The following SEMA3D variants were observed in gnomAD, a reference collection of about 807,000 sequenced individuals.
The protein encoded by SEMA3D is semaphorin-3D.
SEMA3D carries 84 observed loss-of-function variants against 100.1 expected under a neutral mutation model. The observed-to-expected ratio is 0.84, with a 90% CI of 0.70 to 1.01. The LOEUF is 1.01. Ranked by LOEUF, SEMA3D falls within the 50% of genes least tolerant of loss-of-function variation. The pLI is 0.00. For missense variants in SEMA3D, 875 were observed against 934.1 expected (o/e 0.94, Z 0.82); for synonymous variants, 312 against 320.7 (o/e 0.97, Z 0.29).
the SEMA3D span, among the ~76,000 whole-genome samples, chr7:85,202,825 T>TC: frequency 4.4e-4 from 8 of 18,274 alleles, no homozygotes; most frequent in Non-Finnish European, 7.1e-4. Flanking sequence ...TGGCAATCTC[T>TC]TTTTTTTTAA....
chr7:85,151,613 G>C, intron 2 of SEMA3D: 2 of 968,846 alleles, frequency 2.1e-6, no homozygotes, highest in Non-Finnish European at 2.5e-6. Flanking sequence ...GTGTGTGTGT[G>C]TGTGTGTGTG....
the SEMA3D span, among the ~76,000 whole-genome samples, chr7:85,228,092 T>C: frequency 6.6e-6 from 1 of 152,176 alleles, no homozygotes. Flanking sequence ...GACTGTACTT[T>C]TTATAAATTT....
the SEMA3D span, among the ~76,000 whole-genome samples, chr7:85,245,961 A>G: frequency 1.3e-5 from 2 of 152,168 alleles, no homozygotes; most frequent in Non-Finnish European, 2.9e-5. Context: ...ATTTGGTAAC[A>G]TAATAGAAAT....
At chr7:85,164,006 C>T (rs766999618) in intron 1 of SEMA3D, among the ~76,000 whole-genome samples, 3 of 151,990 alleles carry the variant, frequency 2.0e-5, no homozygotes, top group Non-Finnish European at 2.9e-5. Context: ...TGAATGTTTA[C>T]TATGAAATAA....
At chr7:85,232,635 C>A in the SEMA3D span, among the ~76,000 whole-genome samples, 1 of 152,178 alleles carries the variant, frequency 6.6e-6, no homozygotes, top group African/African-American at 2.4e-5. Flanking sequence ...CTTTTATTGT[C>A]GTATCATTTT....
rs184415350 is a variant in SEMA3D at position 85,011,281 on chromosome 7, C to G, written c.1768+1501G>C. On this transcript the variant is annotated intron_variant, in intron 17 of 18. Coordinates refer to ENST00000284136, the MANE Select transcript of SEMA3D (RefSeq NM_001384900.1). ...TTAGAGCTTAAGTAAAAATGAGAACCGAAAATTGGCCGTTGGATTTGGCAA... is the reference window on the plus strand; with the variant it reads ...TTAGAGCTTAAGTAAAAATGAGAACGGAAAATTGGCCGTTGGATTTGGCAA... Among the ~76,000 whole-genome samples the G allele has an allele frequency of 9.8e-4, 149 of 151,756 alleles. No individual in the cohort carries two copies. The Middle Eastern group carries it at 0.02, about 21-fold the overall frequency.
intron 18 of SEMA3D, among the ~76,000 whole-genome samples, chr7:85,003,994 A>C (rs543855414): frequency 1.5e-3 from 221 of 152,212 alleles, no homozygotes; most frequent in African/African-American, 5.0e-3. Context: ...TTTTTTTCCT[A>C]AGAAAATAGT....
At chr7:85,205,087 T>C in the SEMA3D span, among the ~76,000 whole-genome samples, 1 of 152,186 alleles carries the variant, frequency 6.6e-6, no homozygotes, top group African/African-American at 2.4e-5. Flanking sequence ...ATATGTCTTC[T>C]TTTGAGAAAT....
intron 2 of SEMA3D, among the ~76,000 whole-genome samples, chr7:85,149,085 A>C (rs1790292941): frequency 6.6e-6 from 1 of 152,162 alleles, no homozygotes; most frequent in Non-Finnish European, 1.5e-5. Context: ...ACCAAATCTT[A>C]AAATGTTATG....
chr7:85,148,486 T>G (rs1166861653), intron 2 of SEMA3D, among the ~76,000 whole-genome samples: 1 of 152,164 alleles, frequency 6.6e-6, no homozygotes, highest in African/African-American at 2.4e-5. Flanking sequence ...TGAGAGTAAA[T>G]ACACATTTCT....
At chr7:85,234,142 G>A in the SEMA3D span, among the ~76,000 whole-genome samples, 793 of 152,262 alleles carry the variant, frequency 5.2e-3, 10 homozygotes, top group African/African-American at 0.018. Context: ...AAACAAAACA[G>A]CTTCCACTGA....
intron 9 of SEMA3D, among the ~76,000 whole-genome samples, chr7:85,044,697 C>A (rs1790958141): frequency 6.6e-6 from 1 of 151,988 alleles, no homozygotes; most frequent in Non-Finnish European, 1.5e-5. Context: ...ACTATCCACA[C>A]AAATATCCAT....
chr7:85,146,349 G>T (rs1265651019), intron 2 of SEMA3D, among the ~76,000 whole-genome samples: 1 of 151,914 alleles, frequency 6.6e-6, no homozygotes, highest in African/African-American at 2.4e-5. Context: ...GAAGTCAGGA[G>T]TTCCAGAGCA....
chr7:85,067,331 G>A (rs1023580751), intron 7 of SEMA3D, among the ~76,000 whole-genome samples: 1 of 151,976 alleles, frequency 6.6e-6, no homozygotes, highest in Non-Finnish European at 1.5e-5. Flanking sequence ...ATTTCACAGA[G>A]CAGAATCACA....
chr7:85,212,048 C>T, the SEMA3D span, among the ~76,000 whole-genome samples: 1 of 152,074 alleles, frequency 6.6e-6, no homozygotes, highest in East Asian at 1.9e-4. Flanking sequence ...TAATCTCCTA[C>T]TTGTTCAATG....
intron 8 of SEMA3D, 41 bp from the exon 9 acceptor site, chr7:85,055,900 C>G: frequency 8.9e-7 from 1 of 1,128,784 alleles, no homozygotes. Flanking sequence ...GATACTGAAA[C>G]AATCCAGTCA....
intron 5 of SEMA3D, among the ~76,000 whole-genome samples, chr7:85,078,981 T>C (rs1787971462): frequency 1.3e-5 from 2 of 152,176 alleles, no homozygotes; most frequent in South Asian, 4.1e-4. Context: ...TCTGGTGATA[T>C]TATAGAAAGA....
At position 85,048,428 on chromosome 7, in the gene SEMA3D, C is replaced by A. The variant is rs182530823; in HGVS notation, c.862-6143G>T. Among the ~76,000 whole-genome samples, 17 of 151,872 alleles carry A rather than the reference C, an allele frequency of 1.1e-4. No homozygotes were observed. In the East Asian group the frequency reaches 3.3e-3, roughly 29 times the overall value. On this transcript the variant is annotated intron_variant, in intron 9 of 18. Transcript: ENST00000284136. ...TCTATTCAGAAGTTTGAAACTATGACCATGACATGGTAGAAACAAAAAGTG... is the reference window on the plus strand; with the variant it reads ...TCTATTCAGAAGTTTGAAACTATGAACATGACATGGTAGAAACAAAAAGTG...
chr7:85,163,309 C>T (rs1201956071), intron 1 of SEMA3D, among the ~76,000 whole-genome samples: 3 of 151,972 alleles, frequency 2.0e-5, no homozygotes, highest in Non-Finnish European at 4.4e-5. Context: ...GTAATATCAC[C>T]CACCACACAA....
Sources: gnomAD v4.1 joint callset for allele counts (sites outside exome capture counted in the v4.1 genomes callset) on GRCh38, gnomAD v4.1.1 for gene constraint, MANE v1.5 for transcripts, NCBI Gene and HGNC (gene_info 2026-07-23, HGNC 2026-07-21) for gene names.